The following MEIS1 variants were observed in gnomAD, a reference collection of about 807,000 sequenced individuals.
The protein encoded by MEIS1 is Meis homeobox 1, also known as homeobox protein Meis1.
Under a neutral mutation model 50.8 loss-of-function variants are expected in MEIS1, and 5 were observed. The observed-to-expected ratio is 0.10, with a 90% CI of 0.05 to 0.21. MEIS1 has a LOEUF of 0.21. MEIS1 is among the 10% of genes least tolerant of loss of function. The probability of loss-of-function intolerance (pLI) is 1.00; values close to 1 mark genes in which losing one functional copy is unlikely to be tolerated. For missense variants in MEIS1, 318 were observed against 517.3 expected (o/e 0.61, Z 3.74); for synonymous variants, 176 against 179.3 (o/e 0.98, Z 0.15).
intron 7 of MEIS1, among the ~76,000 whole-genome samples, chr2:66,499,690 A>G (rs1033961669): frequency 8.0e-6 from 1 of 124,844 alleles, no homozygotes; most frequent in Admixed American, 8.4e-5. Flanking sequence ...GTGAGGGTAC[A>G]TAGGTTAAAA....
Position 66,437,476 on chromosome 2 carries a change from C to T in MEIS1, c.13-261C>T. 1.0e-5 allele frequency: 5 copies of T among 484,788 alleles called. No individual in the cohort carries two copies. The South Asian group carries it at 1.5e-4, about 15-fold the overall frequency. The allele number at this position is 484,788 out of a possible 1,614,324, so 30.0% of individuals were successfully genotyped here. On this transcript the variant is annotated intron_variant, in intron 1 of 12. Coordinates refer to ENST00000272369, the MANE Select transcript of MEIS1 (RefSeq NM_002398.3). ...TCTTCTTTCCTTCTTGCCAAAGGAG[C>T]CTGAATTTCTAAACTAGTTGATAGG...
Position 66,435,655 on chromosome 2 carries a change from C to CT in MEIS1, c.-201dup. The CT allele has an allele frequency of 2.2e-6, 1 of 456,604 alleles. No homozygotes were observed. The highest frequency in any genetic ancestry group is 4.3e-5 in the Admixed American group (1 of 23,486). The allele number at this position is 456,604 out of a possible 1,614,324, so 28.3% of individuals were successfully genotyped here. A position where few individuals can be genotyped will look rare whatever the true frequency, so the allele number is the denominator to read the frequency against. ...AACGGAGCGCTTTTATGCTCAGTGACTCGGGCGCTTTGCTTCAGGTCCCGT... is the reference window on the plus strand; with the variant it reads ...AACGGAGCGCTTTTATGCTCAGTGACTTCGGGCGCTTTGCTTCAGGTCCCGT... On this transcript the variant is annotated 5_prime_UTR_variant, in exon 1 of 13. An upstream open reading frame in the 5' UTR loses its in-frame stop. Transcript: ENST00000272369.
At chr2:66,473,687 C>T (rs1462816691) in intron 7 of MEIS1, among the ~76,000 whole-genome samples, 1 of 151,962 alleles carries the variant, frequency 6.6e-6, no homozygotes, top group Non-Finnish European at 1.5e-5. Context: ...AATTTTTTCC[C>T]CTTCTCAAGT....
intron 7 of MEIS1, among the ~76,000 whole-genome samples, chr2:66,472,962 C>T (rs1157675666): frequency 6.6e-6 from 1 of 152,024 alleles, no homozygotes; most frequent in Non-Finnish European, 1.5e-5. Flanking sequence ...CTGGTGAAGC[C>T]AATGGATACC....
chr2:66,553,659 G>A (rs1383626588), intron 9 of MEIS1, among the ~76,000 whole-genome samples: 3 of 152,216 alleles, frequency 2.0e-5, no homozygotes, highest in Non-Finnish European at 4.4e-5. Flanking sequence ...ATGTCAGAGA[G>A]TCTTAAGAGT....
intron 8 of MEIS1, among the ~76,000 whole-genome samples, chr2:66,533,636 A>G (rs1220740775): frequency 1.3e-5 from 2 of 152,236 alleles, no homozygotes; most frequent in African/African-American, 4.8e-5. Context: ...TAGGGAAAAC[A>G]TAGCCTCTTT....
chr2:66,473,105 G>A (rs886132979), intron 7 of MEIS1, among the ~76,000 whole-genome samples: 2 of 151,898 alleles, frequency 1.3e-5, no homozygotes, highest in Non-Finnish European at 2.9e-5. Context: ...AAGGCCGGGC[G>A]CGGTGGCTCA....
intron 7 of MEIS1, among the ~76,000 whole-genome samples, chr2:66,465,119 A>ATTTTGTTGTCTAACT (rs1352742695): frequency 6.6e-6 from 1 of 152,176 alleles, no homozygotes; most frequent in Non-Finnish European, 1.5e-5. Flanking sequence ...CAACAAAGGA[A>ATTTTGTTGTCTAACT]TTTTGTTGTC....
chr2:66,491,745 G>A (rs1016393172), intron 7 of MEIS1, among the ~76,000 whole-genome samples: 1 of 152,178 alleles, frequency 6.6e-6, no homozygotes, highest in African/African-American at 2.4e-5. Flanking sequence ...TGACTTGACA[G>A]CCATTTAAAA....
At chr2:66,554,399 C>A (rs569583525) in intron 9 of MEIS1, among the ~76,000 whole-genome samples, 15 of 152,198 alleles carry the variant, frequency 9.9e-5, no homozygotes, top group Non-Finnish European at 2.1e-4. Context: ...ACTTGACTCC[C>A]ATTTCCCTGG....
chr2:66,457,194 C>CT (rs1672412563), intron 6 of MEIS1, among the ~76,000 whole-genome samples: 1 of 142,172 alleles, frequency 7.0e-6, no homozygotes, highest in Non-Finnish European at 1.5e-5. Context: ...ATCCACATAA[C>CT]TTTTTTTCCA....
chr2:66,443,681 A>T (rs115033011), intron 6 of MEIS1: 7 of 152,500 alleles, frequency 4.6e-5, no homozygotes, highest in African/African-American at 1.7e-4. Flanking sequence ...AGGTTATAAA[A>T]ACAGATAAAT....
intron 8 of MEIS1, among the ~76,000 whole-genome samples, chr2:66,535,406 G>C (rs574266855): frequency 6.6e-6 from 1 of 152,286 alleles, no homozygotes; most frequent in East Asian, 1.9e-4. Flanking sequence ...TATTCTTCAA[G>C]TTAACTTTGA....
intron 7 of MEIS1, among the ~76,000 whole-genome samples, chr2:66,485,137 T>G (rs1673111631): frequency 6.6e-6 from 1 of 152,182 alleles, no homozygotes; most frequent in African/African-American, 2.4e-5. Flanking sequence ...CTGGGATACA[T>G]GTGCAGAACC....
intron 1 of MEIS1, 53 bp from the exon 2 acceptor site, chr2:66,437,684 C>T: frequency 6.4e-7 from 1 of 1,556,354 alleles, no homozygotes; most frequent in Non-Finnish European, 8.8e-7. Context: ...TGCCGTTCTC[C>T]CATTTGCCCG....
At chr2:66,439,525 A>C in intron 2 of MEIS1, 1 of 1,488,822 alleles carries the variant, frequency 6.7e-7, no homozygotes, top group Admixed American at 2.2e-5. Flanking sequence ...TCGGGTGGGA[A>C]ACTTAATTCA....
Position 66,551,711 on chromosome 2 carries a change from G to A in MEIS1, c.965+3692G>A, listed in dbSNP as rs953548006. On this transcript the variant is annotated intron_variant, in intron 9 of 12. Transcript: ENST00000272369. ...CTAGTTGTCTAAATATTTCAATCTAGTATGTTGTGGTTGACTTAGATTTAA... is the reference window on the plus strand; with the variant it reads ...CTAGTTGTCTAAATATTTCAATCTAATATGTTGTGGTTGACTTAGATTTAA... 4.6e-5 allele frequency among the ~76,000 whole-genome samples: 7 copies of A among 151,830 alleles called. No homozygotes were observed. The South Asian group carries it at 1.5e-3, about 32-fold the overall frequency.
At chr2:66,547,653 C>T (rs1347719136) in intron 8 of MEIS1, among the ~76,000 whole-genome samples, 1 of 152,090 alleles carries the variant, frequency 6.6e-6, no homozygotes, top group Non-Finnish European at 1.5e-5. Context: ...CTATAAAATA[C>T]AGTGAAGATC....
intron 6 of MEIS1, 64 bp downstream of exon 6, chr2:66,443,112 G>T (rs1176275767): frequency 6.7e-7 from 1 of 1,500,394 alleles, no homozygotes; most frequent in Non-Finnish European, 8.9e-7. Flanking sequence ...ATTGCTTGCT[G>T]GGTCACTACC....
Sources: allele counts gnomAD v4.1 joint callset (sites outside exome capture counted in the v4.1 genomes callset), GRCh38; gene constraint gnomAD v4.1.1; transcripts MANE v1.5; gene names NCBI Gene and HGNC (gene_info 2026-07-23, HGNC 2026-07-21).